SLC25A36: variants seen among roughly 807,000 people sequenced by gnomAD.
SLC25A36 encodes the protein solute carrier family 25 member 36.
In SLC25A36, 24 loss-of-function variants were observed where a neutral mutation model predicts 35.3. The ratio of observed to expected loss-of-function variants is 0.68; its 90% CI spans 0.49 to 0.96. The LOEUF is 0.96. Among genes scored for constraint, SLC25A36 ranks in the 40% least tolerant of loss-of-function variants. The pLI is 0.00. For synonymous variants in SLC25A36, 141 were observed against 132.2 expected, an observed-to-expected ratio of 1.07 and a Z score of -0.46; for missense variants, 294 against 381.1, an observed-to-expected ratio of 0.77 and a Z score of 1.90.
chr3:140,973,637 A>T, intron 5 of SLC25A36, 79 bp from the exon 6 acceptor site: 1 of 1,040,234 alleles, frequency 9.6e-7, no homozygotes, highest in Non-Finnish European at 1.3e-6. Flanking sequence ...CCATTCTTTT[A>T]TTATTAGAAT....
rs13099528 is a variant in SLC25A36, at chr3:140,980,720, C to T, written c.*4267C>T. ...CCCCCCCCCCCTTTTAATATATATACACGGAGCTTCACTCTTGTCACCCAT... is the reference window on the plus strand; with the variant it reads ...CCCCCCCCCCCTTTTAATATATATATACGGAGCTTCACTCTTGTCACCCAT... On this transcript the variant is annotated 3_prime_UTR_variant, in exon 7 of 7. Coordinates refer to ENST00000324194, the MANE Select transcript of SLC25A36 (RefSeq NM_001104647.3). Among the ~76,000 whole-genome samples, 132,857 of 133,924 alleles carry T rather than the reference C, an allele frequency of 0.99. 65,913 individuals are homozygous for T. Among genetic ancestry groups the T allele is most frequent in the Middle Eastern group, 1 (288 of 288 alleles). 87.9% of individuals were successfully genotyped at this position (133,924 alleles called of 152,430 possible).
At chr3:140,960,683 A>G (rs116466539) in intron 3 of SLC25A36, among the ~76,000 whole-genome samples, 3,256 of 152,348 alleles carry the variant, frequency 0.021, 113 homozygotes, top group African/African-American at 0.075. Flanking sequence ...ATAAAGAACT[A>G]TGGTGTGACA....
At chr3:140,965,902 G>A (rs1433611401) in intron 4 of SLC25A36, 1 of 151,526 alleles carries the variant, frequency 6.6e-6, no homozygotes, top group Non-Finnish European at 1.5e-5. Context: ...AGGCACAGAT[G>A]TATGCAAAAA....
Position 140,957,003 on chromosome 3 carries a change from TG to T in SLC25A36, c.206+313del, listed in dbSNP as rs1477848802. 5.1e-5 allele frequency: 10 copies of T among 197,424 alleles called. No homozygotes were observed. The Admixed American group carries it at 6.1e-4, about 12-fold the overall frequency. The allele number at this position is 197,424 out of a possible 1,614,324, so 12.2% of individuals were successfully genotyped here. On this transcript the variant is annotated intron_variant, in intron 2 of 6. Coordinates refer to ENST00000324194, the MANE Select transcript of SLC25A36 (RefSeq NM_001104647.3). ...TTCATTTACTTTTGAAATGTGATAA[TG>T]TTTAATGCTAACTCCTTTCGTGTAT... is the stretch of plus-strand genomic sequence containing the variant.
chr3:140,973,707 G>T lies in SLC25A36; in HGVS notation c.453-9G>T. ...ACCTATCAGTAAGATGTTTCTTTTT[G>T]CTTTTCAGGAACCGCGGGGAAAGGC... On this transcript the variant is annotated splice_polypyrimidine_tract_variant and intron_variant, in intron 5 of 6. Transcript: ENST00000324194. The T allele has an allele frequency of 3.5e-6, 5 of 1,436,592 alleles. No individual in the cohort carries two copies. The highest frequency in any genetic ancestry group is 2.8e-6 in the Non-Finnish European group (3 of 1,086,440). 89.0% of individuals were successfully genotyped at this position (1,436,592 alleles called of 1,614,324 possible).
intron 1 of SLC25A36, among the ~76,000 whole-genome samples, chr3:140,943,156 G>A (rs79860415): frequency 0.075 from 11,373 of 152,152 alleles, 536 homozygotes; most frequent in East Asian, 0.17. Context: ...ATTATAAAGA[G>A]TTTTCTTATC....
At chr3:140,954,537 G>A (rs1429804683) in intron 1 of SLC25A36, among the ~76,000 whole-genome samples, 4 of 152,170 alleles carry the variant, frequency 2.6e-5, no homozygotes, top group African/African-American at 9.7e-5. Flanking sequence ...TCAGCGGTTG[G>A]CTGTTTGTTG....
chr3:140,966,451 G>A (rs1356217124), intron 4 of SLC25A36: 4 of 180,450 alleles, frequency 2.2e-5, no homozygotes, highest in Admixed American at 1.2e-4. Flanking sequence ...TTGTAGCAAC[G>A]TATTCTTTAT....
Position 140,958,478 on chromosome 3 carries a change from G to T in SLC25A36, c.207-985G>T, listed in dbSNP as rs144943914. On this transcript the variant is annotated intron_variant, in intron 2 of 6. Coordinates refer to ENST00000324194, the MANE Select transcript of SLC25A36 (RefSeq NM_001104647.3). ...CAAAACAGCAAATTTCCCAATGTCAGGGGCCTCGCCTTCTTTTTTCTATCT... is the reference window on the plus strand; with the variant it reads ...CAAAACAGCAAATTTCCCAATGTCATGGGCCTCGCCTTCTTTTTTCTATCT... Among the ~76,000 whole-genome samples, 250 of 152,232 alleles carry T rather than the reference G, an allele frequency of 1.6e-3. 3 individuals carry two copies. In the East Asian group the frequency reaches 0.019, roughly 12 times the overall value.
At chr3:140,970,445 C>T (rs1934872405) in intron 4 of SLC25A36, 1 of 152,550 alleles carries the variant, frequency 6.6e-6, no homozygotes, top group African/African-American at 2.4e-5. Context: ...ACTATATAAT[C>T]AACTAAAGAT....
rs372271376 is a variant in SLC25A36, at chr3:140,979,928, C to T, written c.*3475C>T. The T allele has an allele frequency of 3.3e-5, 5 of 152,248 alleles. No homozygotes were observed. Among genetic ancestry groups the T allele is most frequent in the African/African-American group, 1.2e-4 (5 of 41,552 alleles). The allele number at this position is 152,248 out of a possible 1,614,324, so 9.4% of individuals were successfully genotyped here. Reference sequence around the variant, plus strand: ...TGTTCAAATTTTAAAAATTAAAATACGCTCATGAAAATATGGCTTTTTCTG... The same window carrying T: ...TGTTCAAATTTTAAAAATTAAAATATGCTCATGAAAATATGGCTTTTTCTG... On this transcript the variant is annotated 3_prime_UTR_variant, in exon 7 of 7. Transcript: ENST00000324194.
At chr3:140,965,288 G>T (rs1934732053) in intron 4 of SLC25A36, 1 of 151,458 alleles carries the variant, frequency 6.6e-6, no homozygotes, top group Admixed American at 6.6e-5. Flanking sequence ...TTTTTTTTAG[G>T]ATTATTTTTA....
At chr3:140,956,017 A>G (rs1022290002) in intron 1 of SLC25A36, among the ~76,000 whole-genome samples, 3 of 152,172 alleles carry the variant, frequency 2.0e-5, no homozygotes, top group Non-Finnish European at 4.4e-5. Context: ...TTGTAGGTGA[A>G]ATACTTCTGA....
intron 4 of SLC25A36, 84 bp downstream of exon 4, chr3:140,963,311 TTGA>T (rs1306929288): frequency 4.8e-5 from 41 of 854,408 alleles, no homozygotes; most frequent in Non-Finnish European, 6.6e-5. Context: ...TAGTGAAAAG[TTGA>T]TGATTAATGT....
intron 2 of SLC25A36, among the ~76,000 whole-genome samples, chr3:140,959,234 T>A (rs1408631706): frequency 6.6e-6 from 1 of 152,008 alleles, no homozygotes; most frequent in Non-Finnish European, 1.5e-5. Flanking sequence ...CAGGCTGGTC[T>A]TGAACTTCTG....
chr3:140,968,962 T>A (rs1452371232), intron 4 of SLC25A36, among the ~76,000 whole-genome samples: 1 of 151,838 alleles, frequency 6.6e-6, no homozygotes, highest in Non-Finnish European at 1.5e-5. Context: ...TAAAAATCAT[T>A]ATAGTGATGC....
chr3:140,941,884 A>C lies in SLC25A36; in HGVS notation c.-171A>C. The C allele has an allele frequency of 4.1e-6, 2 of 489,986 alleles. No homozygotes were observed. Among genetic ancestry groups the C allele is most frequent in the African/African-American group, 2.1e-5 (1 of 48,622 alleles). The allele number at this position is 489,986 out of a possible 1,614,324, so 30.4% of individuals were successfully genotyped here. A position where few individuals can be genotyped will look rare whatever the true frequency, so the allele number is the denominator to read the frequency against. ...CTTAGGCAGGCGGTGGCGCGGCTGGAGTGCCGCGGGGAGGGCTGTGCCGGT... is the reference window on the plus strand; with the variant it reads ...CTTAGGCAGGCGGTGGCGCGGCTGGCGTGCCGCGGGGAGGGCTGTGCCGGT... On this transcript the variant is annotated 5_prime_UTR_variant, in exon 1 of 7. Transcript: ENST00000324194.
chr3:140,949,018 T>A (rs796140220), intron 1 of SLC25A36, among the ~76,000 whole-genome samples: 37 of 152,360 alleles, frequency 2.4e-4, no homozygotes, highest in African/African-American at 8.7e-4. Context: ...GAGAGCACTT[T>A]GAGGCTCCCA....
intron 2 of SLC25A36, among the ~76,000 whole-genome samples, chr3:140,957,307 G>C (rs532346341): frequency 6.6e-6 from 1 of 152,308 alleles, no homozygotes; most frequent in South Asian, 2.1e-4. Flanking sequence ...TTTGAACTTA[G>C]TTCAGTAGTG....
Sources: gnomAD v4.1 joint callset for allele counts (sites outside exome capture counted in the v4.1 genomes callset) on GRCh38, gnomAD v4.1.1 for gene constraint, MANE v1.5 for transcripts, NCBI Gene and HGNC (gene_info 2026-07-23, HGNC 2026-07-21) for gene names.